Variants in STON1 observed in about 807,000 individuals in gnomAD.
STON1 encodes stonin-1.
A neutral mutation model predicts 60.9 loss-of-function variants in STON1; 79 were observed. The ratio of observed to expected loss-of-function variants is 1.30; its 90% CI spans 1.08 to 1.56. The LOEUF (loss-of-function observed/expected upper bound fraction) is 1.56. Among genes scored for constraint, STON1 ranks in the 40% most tolerant of loss-of-function variants. The pLI, the probability that STON1 is intolerant of heterozygous loss-of-function variation, is 0.00. For synonymous variants in STON1, 363 were observed against 306.9 expected (o/e 1.18, Z -1.91); for missense variants, 1,166 against 858.9 (o/e 1.36, Z -4.47).
chr2:48,586,114 T>C (rs1351707167), intron 2 of STON1, among the ~76,000 whole-genome samples: 1 of 152,240 alleles, frequency 6.6e-6, no homozygotes, highest in Non-Finnish European at 1.5e-5. Context: ...TTTTTCAAAC[T>C]GAGAACCCAT....
chr2:48,581,413 T>G lies in STON1; in HGVS notation c.780T>G (p.Ser260=). ...GTCTATGTGCTGAAGAAAATGCCTC[T>G]TCCTTTGTCCCCCACACACTCTTCA... ...MHCLCAEENA[S]SFVPHTLFRS... The change falls in exon 2 of 4, where the codon TCT becomes TCG. Residue 260 remains serine, a synonymous_variant. Transcript: ENST00000404752. The G allele has an allele frequency of 6.2e-7, 1 of 1,611,272 alleles. No homozygotes were observed. Among genetic ancestry groups the G allele is most frequent in the South Asian group, 1.1e-5 (1 of 90,812 alleles).
At position 48,593,976 on chromosome 2, in the gene STON1, T is replaced by TC. The variant is rs1674666032; in HGVS notation, c.2134-1251dup. Among the ~76,000 whole-genome samples the TC allele has an allele frequency of 2.6e-5, 4 of 152,188 alleles. No individual in the cohort carries two copies. The South Asian group carries it at 8.3e-4, about 32-fold the overall frequency. On this transcript the variant is annotated intron_variant, in intron 3 of 3. Transcript: ENST00000404752. ...CTGAGGTCATGCCTCCTTCCTGGAATCTATGCAGGGGTGTATAGGCCCCTT... is the reference window on the plus strand; with the variant it reads ...CTGAGGTCATGCCTCCTTCCTGGAATCCTATGCAGGGGTGTATAGGCCCCTT...
intron 1 of STON1, among the ~76,000 whole-genome samples, chr2:48,538,788 T>TA (rs1671536311): frequency 6.9e-6 from 1 of 143,948 alleles, no homozygotes; most frequent in Non-Finnish European, 1.5e-5. Flanking sequence ...TTTTTTTTTT[T>TA]TATATTTTCT....
chr2:48,596,545 T>A lies in STON1; in HGVS notation c.*1243T>A, dbSNP rs1235226439. 1 of 152,238 alleles carries A rather than the reference T, an allele frequency of 6.6e-6. No individual in the cohort carries two copies. The highest frequency in any genetic ancestry group is 1.5e-5 in the Non-Finnish European group (1 of 68,036). The allele number at this position is 152,238 out of a possible 1,614,324, so 9.4% of individuals were successfully genotyped here. A position where few individuals can be genotyped will look rare whatever the true frequency, so the allele number is the denominator to read the frequency against. ...CATGTGGTATTAATATACCTTCAAT[T>A]TATGTTGAGTCTTAAACATAATTAG... On this transcript the variant is annotated 3_prime_UTR_variant, in exon 4 of 4. Coordinates refer to ENST00000404752, the MANE Select transcript of STON1 (RefSeq NM_006873.4).
chr2:48,594,510 C>T (rs551721941), intron 3 of STON1, among the ~76,000 whole-genome samples: 1 of 152,286 alleles, frequency 6.6e-6, no homozygotes, highest in South Asian at 2.1e-4. Context: ...GACAAAGTCC[C>T]TGTCCTCATG....
Position 48,596,547 on chromosome 2 carries a change from A to G in STON1, c.*1245A>G, listed in dbSNP as rs370564429. 1.3e-5 allele frequency: 2 copies of G among 152,188 alleles called. No homozygotes were observed. Among genetic ancestry groups the G allele is most frequent in the East Asian group, 1.9e-4 (1 of 5,196 alleles). The allele number at this position is 152,188 out of a possible 1,614,324, so 9.4% of individuals were successfully genotyped here. A position where few individuals can be genotyped will look rare whatever the true frequency, so the allele number is the denominator to read the frequency against. Reference sequence around the variant, plus strand: ...TGTGGTATTAATATACCTTCAATTTATGTTGAGTCTTAAACATAATTAGGA... The same window carrying G: ...TGTGGTATTAATATACCTTCAATTTGTGTTGAGTCTTAAACATAATTAGGA... On this transcript the variant is annotated 3_prime_UTR_variant, in exon 4 of 4. Coordinates refer to ENST00000404752, the MANE Select transcript of STON1 (RefSeq NM_006873.4).
intron 2 of STON1, among the ~76,000 whole-genome samples, chr2:48,590,454 C>G (rs535845476): frequency 1.3e-4 from 20 of 152,262 alleles, no homozygotes; most frequent in Admixed American, 3.3e-4. Context: ...TGCTCTTTCT[C>G]TAGCTATGTC....
intron 2 of STON1, among the ~76,000 whole-genome samples, chr2:48,587,278 C>G (rs996899426): frequency 6.8e-6 from 1 of 147,054 alleles, no homozygotes; most frequent in African/African-American, 2.6e-5. Flanking sequence ...ATTGCTCTCC[C>G]ATGAGTATTT....
chr2:48,557,620 G>A lies in STON1; in HGVS notation c.-47-22967G>A, dbSNP rs1299610800. ...GTAGGTTGTAGTGAGCCGAGATCAC[G>A]CCACTGCACTCCAGCCTGGGCACCA... On this transcript the variant is annotated intron_variant, in intron 1 of 3. Transcript: ENST00000404752. 2.5e-4 allele frequency among the ~76,000 whole-genome samples: 25 copies of A among 99,732 alleles called. 5 individuals carry two copies. Among genetic ancestry groups the A allele is most frequent in the Admixed American group, 5.0e-4 (5 of 10,076 alleles). The allele number at this position is 99,732 out of a possible 152,430, so 65.4% of individuals were successfully genotyped here.
rs77258218 is a variant in STON1, at chr2:48,580,827, C to A, written c.194C>A (p.Pro65His). ...ACCAGCAGCACTCCTCTCTCCTCCCCCATTGTAGATTTTTATTTCAGTCCA... is the reference window on the plus strand; with the variant it reads ...ACCAGCAGCACTCCTCTCTCCTCCCACATTGTAGATTTTTATTTCAGTCCA... ...SSTSSTPLSSPIVDFYFSPGP... is the reference protein window; with the variant it reads ...SSTSSTPLSSHIVDFYFSPGP... The change falls in exon 2 of 4, where the codon CCC becomes CAC. Residue 65 changes from proline (P) to histidine (H), a missense_variant. By Grantham distance (77) the Pro-to-His change is moderately conservative. Coordinates refer to ENST00000404752, the MANE Select transcript of STON1 (RefSeq NM_006873.4). 1.9e-6 allele frequency: 3 copies of A among 1,548,424 alleles called. No individual in the cohort carries two copies. The highest frequency in any genetic ancestry group is 2.6e-6 in the Non-Finnish European group (3 of 1,150,694).
intron 1 of STON1, among the ~76,000 whole-genome samples, chr2:48,534,206 A>G (rs1027123220): frequency 3.3e-5 from 5 of 152,182 alleles, no homozygotes; most frequent in Non-Finnish European, 4.4e-5. Context: ...TTTTCTTTGT[A>G]CTTGTATTTC....
At position 48,597,654 on chromosome 2, in the gene STON1, T is replaced by C. The variant is rs1674838695; in HGVS notation, c.*2352T>C. On this transcript the variant is annotated 3_prime_UTR_variant, in exon 4 of 4. Coordinates refer to ENST00000404752, the MANE Select transcript of STON1 (RefSeq NM_006873.4). ...AGCAAAAGCTGGACTAAAGCCCAAATGGATTGTCTGTGGCAATGCAGAAGC... is the reference window on the plus strand; with the variant it reads ...AGCAAAAGCTGGACTAAAGCCCAAACGGATTGTCTGTGGCAATGCAGAAGC... The C allele has an allele frequency of 6.6e-6, 1 of 152,622 alleles. No individual in the cohort carries two copies. Among genetic ancestry groups the C allele is most frequent in the Admixed American group, 6.5e-5 (1 of 15,284 alleles). 9.5% of individuals were successfully genotyped at this position (152,622 alleles called of 1,614,324 possible). A position where few individuals can be genotyped will look rare whatever the true frequency, so the allele number is the denominator to read the frequency against.
rs913678948 is a variant in STON1 at position 48,581,894 on chromosome 2, G to C, written c.1261G>C (p.Asp421His). The C allele has an allele frequency of 6.2e-7, 1 of 1,613,864 alleles. No individual in the cohort carries two copies. Among genetic ancestry groups the C allele is most frequent in the African/African-American group, 1.3e-5 (1 of 74,900 alleles). The change falls in exon 2 of 4, where the codon GAC (aspartate) becomes CAC (histidine). Residue 421 changes from aspartate to histidine, a missense_variant. Coordinates refer to ENST00000404752, the MANE Select transcript of STON1 (RefSeq NM_006873.4). The part of the protein sequence containing the change: ...EEQEISLEIV[D>H]NFWGKVTKEG... ...GCAAGAAATTTCCTTGGAAATTGTGGACAACTTTTGGGGTAAAGTCACAAA... is the reference window on the plus strand; with the variant it reads ...GCAAGAAATTTCCTTGGAAATTGTGCACAACTTTTGGGGTAAAGTCACAAA...
Position 48,595,553 on chromosome 2 carries a change from A to C in STON1, c.*251A>C. 2 of 431,116 alleles carry C rather than the reference A, an allele frequency of 4.6e-6. No homozygotes were observed. The highest frequency in any genetic ancestry group is 4.2e-6 in the Non-Finnish European group (1 of 239,576). The allele number at this position is 431,116 out of a possible 1,614,324, so 26.7% of individuals were successfully genotyped here. A position where few individuals can be genotyped will look rare whatever the true frequency, so the allele number is the denominator to read the frequency against. On this transcript the variant is annotated 3_prime_UTR_variant, in exon 4 of 4. Coordinates refer to ENST00000404752, the MANE Select transcript of STON1 (RefSeq NM_006873.4). Reference sequence around the variant, plus strand: ...GTGTGATGTTTTGCTTCCTATTGAAACTCAAAGGCACTGTTACTCGTTGTG... The same window carrying C: ...GTGTGATGTTTTGCTTCCTATTGAACCTCAAAGGCACTGTTACTCGTTGTG...
At chr2:48,570,021 A>G (rs116448317) in intron 1 of STON1, among the ~76,000 whole-genome samples, 40 of 152,350 alleles carry the variant, frequency 2.6e-4, no homozygotes, top group Non-Finnish European at 4.4e-4. Context: ...TCAATTCATG[A>G]TAATCTCCGT....
In STON1 at chr2:48,596,704, C is replaced by T. The variant is rs777251289; in HGVS notation, c.*1402C>T. 6.6e-6 allele frequency: 1 copy of T among 151,976 alleles called. No homozygotes were observed. Among genetic ancestry groups the T allele is most frequent in the African/African-American group, 2.4e-5 (1 of 41,348 alleles). The allele number at this position is 151,976 out of a possible 1,614,324, so 9.4% of individuals were successfully genotyped here. A position where few individuals can be genotyped will look rare whatever the true frequency, so the allele number is the denominator to read the frequency against. On this transcript the variant is annotated 3_prime_UTR_variant, in exon 4 of 4. Coordinates refer to ENST00000404752, the MANE Select transcript of STON1 (RefSeq NM_006873.4). ...TTAATATTTAATATTATATTACATT[C>T]ATTGAAATCTGTTCAAAAACAGATT...
chr2:48,568,364 C>T lies in STON1; in HGVS notation c.-47-12223C>T, dbSNP rs1042842469. Among the ~76,000 whole-genome samples, 3 of 152,190 alleles carry T rather than the reference C, an allele frequency of 2.0e-5. No individual in the cohort carries two copies. In the South Asian group the frequency reaches 6.2e-4, roughly 32 times the overall value. ...TTGCTGTTTCACCTATCACATGCAT[C>T]TAATCTGACTTCAACAATCTACAGG... On this transcript the variant is annotated intron_variant, in intron 1 of 3. Coordinates refer to ENST00000404752, the MANE Select transcript of STON1 (RefSeq NM_006873.4).
chr2:48,564,176 G>T (rs939113384), intron 1 of STON1, among the ~76,000 whole-genome samples: 6 of 152,166 alleles, frequency 3.9e-5, no homozygotes, highest in Non-Finnish European at 8.8e-5. Context: ...CATTTAGAGA[G>T]ATGGTATCTT....
Position 48,598,248 on chromosome 2 carries a change from T to A in STON1, c.*2946T>A, listed in dbSNP as rs1246002027. 4.6e-5 allele frequency: 7 copies of A among 152,332 alleles called. No homozygotes were observed. Among genetic ancestry groups the A allele is most frequent in the Admixed American group, 4.6e-4 (7 of 15,278 alleles). 9.4% of individuals were successfully genotyped at this position (152,332 alleles called of 1,614,324 possible). ...TACTTTCCAGCACATAAATAAAGGC[T>A]GGAATTTTACAACCTGATGTATATA... On this transcript the variant is annotated 3_prime_UTR_variant, in exon 4 of 4. Coordinates refer to ENST00000404752, the MANE Select transcript of STON1 (RefSeq NM_006873.4).
Sources: allele counts gnomAD v4.1 joint callset (sites outside exome capture counted in the v4.1 genomes callset), GRCh38; gene constraint gnomAD v4.1.1; transcripts MANE v1.5; gene names NCBI Gene and HGNC (gene_info 2026-07-23, HGNC 2026-07-21).